RIGI: variants seen among roughly 807,000 people sequenced by gnomAD.
RIGI encodes the protein RNA sensor RIG-I.
At chr9:32,461,311 C>T in the RIGI span, among the ~76,000 whole-genome samples, 3 of 152,188 alleles carry the variant, frequency 2.0e-5, no homozygotes, top group African/African-American at 7.2e-5. Flanking sequence ...AAGAAGTTTT[C>T]TAAACAGAGG....
chr9:32,526,098 G>A, the RIGI span: 2 of 1,613,866 alleles, frequency 1.2e-6, no homozygotes, highest in Admixed American at 1.7e-5. Flanking sequence ...TCAGGATGTA[G>A]GTAGGGTCCA....
the RIGI span, among the ~76,000 whole-genome samples, chr9:32,464,379 T>C: frequency 6.6e-6 from 1 of 152,100 alleles, no homozygotes; most frequent in African/African-American, 2.4e-5. Flanking sequence ...CGTTATACTT[T>C]TACTAAGCCT....
the RIGI span, chr9:32,481,608 CAGA>C: frequency 2.5e-6 from 2 of 786,112 alleles, no homozygotes; most frequent in African/African-American, 3.6e-5. Flanking sequence ...TTCCTCGAGG[CAGA>C]GTCTCGCTCT....
chr9:32,487,615 A>G, the RIGI span: 2 of 1,614,052 alleles, frequency 1.2e-6, no homozygotes. Context: ...ACACCAACCG[A>G]GGCAGTCAGC....
At chr9:32,501,926 T>C in the RIGI span, among the ~76,000 whole-genome samples, 61 of 152,318 alleles carry the variant, frequency 4.0e-4, 1 homozygote, top group African/African-American at 1.4e-3. Context: ...AAAAATAAAA[T>C]TCAATGGTTT....
chr9:32,480,090 C>G, the RIGI span: 2 of 977,184 alleles, frequency 2.0e-6, no homozygotes, highest in Admixed American at 4.9e-5. Flanking sequence ...CCATCTCCAT[C>G]TTCCTACATC....
the RIGI span, among the ~76,000 whole-genome samples, chr9:32,514,008 A>C: frequency 6.6e-6 from 1 of 152,252 alleles, no homozygotes; most frequent in East Asian, 1.9e-4. Context: ...AGAAATGCAA[A>C]TCAAAACCAC....
chr9:32,459,487 A>T, the RIGI span: 1 of 1,612,014 alleles, frequency 6.2e-7, no homozygotes, highest in African/African-American at 1.3e-5. Context: ...TCTCTGATGA[A>T]TTTTTCATGA....
the RIGI span, among the ~76,000 whole-genome samples, chr9:32,482,642 C>T: frequency 1.4e-4 from 22 of 152,148 alleles, no homozygotes; most frequent in Non-Finnish European, 2.2e-4. Context: ...GGGTGGATCA[C>T]GAGGTCAAGA....
At chr9:32,485,344 T>C in the RIGI span, 3 of 1,193,780 alleles carry the variant, frequency 2.5e-6, no homozygotes, top group Non-Finnish European at 3.6e-6. Context: ...AAGGACAGAT[T>C]GTAGTTCAAA....
At chr9:32,481,186 CAACTTT>C in the RIGI span, among the ~76,000 whole-genome samples, 1 of 152,146 alleles carries the variant, frequency 6.6e-6, no homozygotes, top group South Asian at 2.1e-4. Flanking sequence ...TTGAATGGGA[CAACTTT>C]TGGAGTTTGC....
the RIGI span, among the ~76,000 whole-genome samples, chr9:32,506,426 T>G: frequency 6.6e-6 from 1 of 152,288 alleles, no homozygotes; most frequent in East Asian, 1.9e-4. Context: ...CAAACAAACT[T>G]CACTGTTTTT....
the RIGI span, among the ~76,000 whole-genome samples, chr9:32,483,518 TC>T: frequency 1.3e-5 from 2 of 152,176 alleles, no homozygotes; most frequent in African/African-American, 4.8e-5. Context: ...TCTCCATCCT[TC>T]TGCTACTTCC....
the RIGI span, among the ~76,000 whole-genome samples, chr9:32,508,301 C>A: frequency 8.1e-6 from 1 of 123,804 alleles, no homozygotes; most frequent in Non-Finnish European, 1.6e-5. Flanking sequence ...GACTAGGAAC[C>A]AGGGCAAGAT....
At chr9:32,464,306 G>A in the RIGI span, among the ~76,000 whole-genome samples, 1 of 151,948 alleles carries the variant, frequency 6.6e-6, no homozygotes, top group Non-Finnish European at 1.5e-5. Flanking sequence ...ACCCACAAAA[G>A]GGGGGCTCAC....
the RIGI span, among the ~76,000 whole-genome samples, chr9:32,524,831 G>A: frequency 6.6e-6 from 1 of 151,886 alleles, no homozygotes; most frequent in East Asian, 1.9e-4. Context: ...TCGAACTCCT[G>A]ACCTTGTGAT....
chr9:32,477,021 T>C, the RIGI span: 14 of 1,613,982 alleles, frequency 8.7e-6, no homozygotes, highest in African/African-American at 2.7e-5. Flanking sequence ...AGAATTGTTA[T>C]TGTCTCTGGG....
chr9:32,498,250 T>G, the RIGI span: 8 of 456,598 alleles, frequency 1.8e-5, no homozygotes, highest in Admixed American at 2.3e-5. Flanking sequence ...AACTCCACCC[T>G]TGGATCTTGC....
At chr9:32,481,648 C>T in the RIGI span, 16 of 594,074 alleles carry the variant, frequency 2.7e-5, no homozygotes, top group East Asian at 3.4e-4. Context: ...TACAATGGCA[C>T]GATCTTGGCT....
Sources: allele counts gnomAD v4.1 joint callset (sites outside exome capture counted in the v4.1 genomes callset), GRCh38; gene constraint gnomAD v4.1.1; transcripts MANE v1.5; gene names NCBI Gene and HGNC (gene_info 2026-07-23, HGNC 2026-07-21).